The following MCC variants were observed in gnomAD, a reference collection of about 807,000 sequenced individuals.
MCC encodes the protein colorectal mutant cancer protein.
Under a neutral mutation model 116.2 loss-of-function variants are expected in MCC, and 90 were observed. The ratio of observed to expected loss-of-function variants is 0.77; its 90% CI spans 0.65 to 0.92. The LOEUF (loss-of-function observed/expected upper bound fraction) is 0.92. Ranked by LOEUF, MCC falls within the 40% of genes least tolerant of loss-of-function variation. The pLI, the probability that MCC is intolerant of heterozygous loss-of-function variation, is 0.00. For missense variants in MCC, 1,516 were observed against 1,312.2 expected (o/e 1.16, Z -2.40); for synonymous variants, 578 against 510.5 (o/e 1.13, Z -1.78).
At chr5:113,038,054 G>A (rs928813031) in intron 17 of MCC, among the ~76,000 whole-genome samples, 12 of 152,130 alleles carry the variant, frequency 7.9e-5, no homozygotes, top group Admixed American at 2.6e-4. Flanking sequence ...GGGTTCTGAG[G>A]GTCAGTGCGA....
At chr5:113,275,832 T>C (rs1765801816) in intron 3 of MCC, among the ~76,000 whole-genome samples, 1 of 152,192 alleles carries the variant, frequency 6.6e-6, no homozygotes, top group Admixed American at 6.5e-5. Context: ...CTACAGATTT[T>C]GGTGTAGCGG....
intron 3 of MCC, among the ~76,000 whole-genome samples, chr5:113,202,501 G>A (rs994572272): frequency 6.6e-6 from 1 of 152,134 alleles, no homozygotes; most frequent in Non-Finnish European, 1.5e-5. Flanking sequence ...TAGCCTACAG[G>A]ATCATCACTG....
chr5:113,178,235 C>A (rs1761438049), intron 3 of MCC, among the ~76,000 whole-genome samples: 1 of 152,214 alleles, frequency 6.6e-6, no homozygotes, highest in South Asian at 2.1e-4. Context: ...ACACTACCTG[C>A]AGCAGTCCCT....
rs1410522469 is a variant in MCC at position 113,024,151 on chromosome 5, A to AAAAT, written c.*3147_*3150dup. On this transcript the variant is annotated 3_prime_UTR_variant, in exon 19 of 19. Transcript: ENST00000408903. ...GCTCTGACTTAGAAGAGGTCCCTCT[A>AAAAT]AAATATTGCTGCAGGCTCAGAGAAG... 1 of 152,006 alleles carries AAAAT rather than the reference A, an allele frequency of 6.6e-6. No homozygotes were observed. Among genetic ancestry groups the AAAAT allele is most frequent in the Non-Finnish European group, 1.5e-5 (1 of 68,030 alleles). 9.4% of individuals were successfully genotyped at this position (152,006 alleles called of 1,614,324 possible).
intron 5 of MCC, among the ~76,000 whole-genome samples, chr5:113,142,860 G>A (rs1005828106): frequency 5.0e-4 from 26 of 52,108 alleles, no homozygotes; most frequent in African/African-American, 6.9e-4. Context: ...AGGGATGCTC[G>A]TCTCTAAGAT....
At chr5:113,471,977 A>G (rs1561590121) in intron 1 of MCC, among the ~76,000 whole-genome samples, 1 of 151,970 alleles carries the variant, frequency 6.6e-6, no homozygotes. Context: ...GAGGGATATA[A>G]TCTCCTGGTG....
At chr5:113,227,642 G>T (rs905577263) in intron 3 of MCC, among the ~76,000 whole-genome samples, 3 of 151,992 alleles carry the variant, frequency 2.0e-5, no homozygotes, top group African/African-American at 7.3e-5. Context: ...ATAGACAGTA[G>T]AACATAAGCA....
intron 3 of MCC, among the ~76,000 whole-genome samples, chr5:113,172,903 AAT>A (rs1467892887): frequency 1.3e-5 from 2 of 152,176 alleles, no homozygotes; most frequent in Non-Finnish European, 2.9e-5. Context: ...TTGATTCCAA[AAT>A]AGTCTTCATT....
chr5:113,371,960 T>C (rs974089361), intron 2 of MCC, among the ~76,000 whole-genome samples: 1 of 152,152 alleles, frequency 6.6e-6, no homozygotes, highest in Non-Finnish European at 1.5e-5. Flanking sequence ...TTTTCTTCCA[T>C]GAAAAATAAC....
chr5:113,222,482 A>G (rs1408692250), intron 3 of MCC, among the ~76,000 whole-genome samples: 2 of 152,228 alleles, frequency 1.3e-5, no homozygotes, highest in Non-Finnish European at 2.9e-5. Context: ...GAATTTATGT[A>G]GAGTTGGTAT....
intron 1 of MCC, among the ~76,000 whole-genome samples, chr5:113,456,750 C>A (rs575463090): frequency 2.0e-5 from 3 of 147,688 alleles, no homozygotes; most frequent in African/African-American, 5.1e-5. Flanking sequence ...GTATTACAGG[C>A]GTGAGCCACT....
At chr5:113,237,785 G>C (rs1764187451) in intron 3 of MCC, among the ~76,000 whole-genome samples, 1 of 152,232 alleles carries the variant, frequency 6.6e-6, no homozygotes, top group Non-Finnish European at 1.5e-5. Context: ...CCAGACAAGA[G>C]CTTTGATGTT....
At chr5:113,063,326 C>A (rs564967785) in intron 14 of MCC, among the ~76,000 whole-genome samples, 1 of 152,310 alleles carries the variant, frequency 6.6e-6, no homozygotes, top group Admixed American at 6.5e-5. Flanking sequence ...ATGACTTCAG[C>A]AAATTATGCT....
At position 113,488,448 on chromosome 5, in the gene MCC, G is replaced by A. The variant is rs750492477; in HGVS notation, c.-34C>T. 4.3e-6 allele frequency: 6 copies of A among 1,390,164 alleles called. No homozygotes were observed. Among genetic ancestry groups the A allele is most frequent in the Non-Finnish European group, 5.5e-6 (6 of 1,085,998 alleles). The allele number at this position is 1,390,164 out of a possible 1,614,324, so 86.1% of individuals were successfully genotyped here. On this transcript the variant is annotated 5_prime_UTR_variant, in exon 1 of 19. Transcript: ENST00000408903. Reference sequence around the variant, plus strand: ...TCCCTACTTGGGAGGAGGAGTACGCGCGACCGCAGCTGGAATCCGCGCGGC... The same window carrying A: ...TCCCTACTTGGGAGGAGGAGTACGCACGACCGCAGCTGGAATCCGCGCGGC...
At chr5:113,161,232 T>C (rs1760464634) in intron 3 of MCC, among the ~76,000 whole-genome samples, 1 of 152,188 alleles carries the variant, frequency 6.6e-6, no homozygotes, top group African/African-American at 2.4e-5. Context: ...GGGGGCTGCA[T>C]CCTAATGACA....
intron 2 of MCC, among the ~76,000 whole-genome samples, chr5:113,364,238 G>GAAAAAAAAAAAAAAAAAAAAAAACAAAA (rs60976854): frequency 4.0e-5 from 2 of 49,422 alleles, no homozygotes; most frequent in African/African-American, 7.5e-5. Flanking sequence ...CTCAAAAACA[G>GAAAAAAAAAAAAAAAAAAAAAAACAAAA]AAAAAAAAAA....
At chr5:113,156,722 C>A (rs992960573) in intron 3 of MCC, among the ~76,000 whole-genome samples, 1 of 152,190 alleles carries the variant, frequency 6.6e-6, no homozygotes, top group African/African-American at 2.4e-5. Flanking sequence ...ACATTCCTCA[C>A]ATTTCTGGAG....
At chr5:113,435,171 G>A (rs1580372358) in intron 1 of MCC, 1 of 304,502 alleles carries the variant, frequency 3.3e-6, no homozygotes, top group East Asian at 5.5e-5. Context: ...ACCTGAGGTA[G>A]AAGGGGACTG....
intron 1 of MCC, among the ~76,000 whole-genome samples, chr5:113,480,018 G>A (rs1772335177): frequency 6.6e-6 from 1 of 152,172 alleles, no homozygotes; most frequent in South Asian, 2.1e-4. Flanking sequence ...TAGTCTTTCT[G>A]TTCCATTTAC....
Sources: allele counts gnomAD v4.1 joint callset (sites outside exome capture counted in the v4.1 genomes callset), GRCh38; gene constraint gnomAD v4.1.1; transcripts MANE v1.5; gene names NCBI Gene and HGNC (gene_info 2026-07-23, HGNC 2026-07-21).